NSMCE2: variants seen among roughly 807,000 people sequenced by gnomAD.
NSMCE2 encodes E3 SUMO-protein ligase NSE2.
NSMCE2 carries 24 observed loss-of-function variants against 23.8 expected under a neutral mutation model. The observed-to-expected ratio is 1.01, with a 90% confidence interval of 0.73 to 1.42. NSMCE2 has a LOEUF of 1.42. NSMCE2 is among the 40% of genes most tolerant of loss of function. The pLI is 0.00. For synonymous variants in NSMCE2, 92 were observed against 94.1 expected, an observed-to-expected ratio of 0.98 and a Z score of 0.13; for missense variants, 284 against 296.5, an observed-to-expected ratio of 0.96 and a Z score of 0.31.
intron 5 of NSMCE2, among the ~76,000 whole-genome samples, chr8:125,242,039 C>T (rs1403687005): frequency 6.6e-6 from 1 of 152,064 alleles, no homozygotes; most frequent in South Asian, 2.1e-4. Context: ...TTTGAGATTT[C>T]AAGATGTCCA....
chr8:125,358,503 C>T (rs114359660), intron 7 of NSMCE2, among the ~76,000 whole-genome samples: 2,187 of 150,634 alleles, frequency 0.015, 45 homozygotes, highest in African/African-American at 0.05. Flanking sequence ...ATATAATATA[C>T]ACACACACAC....
At chr8:125,121,743 C>T (rs1819273048) in intron 3 of NSMCE2, among the ~76,000 whole-genome samples, 1 of 152,046 alleles carries the variant, frequency 6.6e-6, no homozygotes. Flanking sequence ...TTATAAATGC[C>T]TTATGTGTAT....
chr8:125,332,914 G>A (rs1829929412), intron 5 of NSMCE2, among the ~76,000 whole-genome samples: 1 of 152,180 alleles, frequency 6.6e-6, no homozygotes, highest in East Asian at 1.9e-4. Flanking sequence ...CAATGTGCTT[G>A]GAAATCATCC....
chr8:125,213,439 A>C (rs2130892068), intron 5 of NSMCE2, among the ~76,000 whole-genome samples: 1 of 151,714 alleles, frequency 6.6e-6, no homozygotes, highest in South Asian at 2.1e-4. Flanking sequence ...GGAGTGATTT[A>C]GCTCAAATTT....
At chr8:125,214,928 C>A in intron 5 of NSMCE2, among the ~76,000 whole-genome samples, 1 of 152,142 alleles carries the variant, frequency 6.6e-6, no homozygotes. Flanking sequence ...TTAGCCACCT[C>A]CAGAACTTTT....
intron 5 of NSMCE2, among the ~76,000 whole-genome samples, chr8:125,281,658 T>TCGAA (rs1827700667): frequency 1.3e-5 from 2 of 152,114 alleles, no homozygotes; most frequent in South Asian, 4.1e-4. Context: ...CAAGCTGGTC[T>TCGAA]CGAACTCCTG....
intron 5 of NSMCE2, among the ~76,000 whole-genome samples, chr8:125,279,581 C>A (rs1268193428): frequency 6.6e-6 from 1 of 152,080 alleles, no homozygotes; most frequent in Non-Finnish European, 1.5e-5. Flanking sequence ...ATTTACTGGT[C>A]CTAAGTGGCA....
intron 3 of NSMCE2, among the ~76,000 whole-genome samples, chr8:125,116,769 G>A (rs1819024311): frequency 6.6e-6 from 1 of 151,996 alleles, no homozygotes; most frequent in Non-Finnish European, 1.5e-5. Flanking sequence ...TCTTCTAAGT[G>A]ATATGTTTGC....
chr8:125,141,857 T>C (rs768750749), intron 3 of NSMCE2, among the ~76,000 whole-genome samples: 1 of 152,200 alleles, frequency 6.6e-6, no homozygotes, highest in Non-Finnish European at 1.5e-5. Context: ...TCTTCTTGCT[T>C]TGAAACATTT....
chr8:125,220,266 A>C (rs760690004), intron 5 of NSMCE2, among the ~76,000 whole-genome samples: 1 of 152,142 alleles, frequency 6.6e-6, no homozygotes, highest in Non-Finnish European at 1.5e-5. Flanking sequence ...TCTTTATTTT[A>C]ACATGTTTTT....
chr8:125,102,842 A>G (rs940048309), intron 3 of NSMCE2, among the ~76,000 whole-genome samples: 1 of 152,222 alleles, frequency 6.6e-6, no homozygotes, highest in African/African-American at 2.4e-5. Context: ...TACTTTGGTC[A>G]TACTTGATTA....
chr8:125,288,518 A>G (rs1026885689), intron 5 of NSMCE2, among the ~76,000 whole-genome samples: 19 of 152,240 alleles, frequency 1.2e-4, no homozygotes, highest in African/African-American at 4.1e-4. Context: ...TTTACCAGGG[A>G]TATTTCTCAA....
chr8:125,335,808 G>T (rs1830049430), intron 5 of NSMCE2, among the ~76,000 whole-genome samples: 1 of 152,170 alleles, frequency 6.6e-6, no homozygotes, highest in Non-Finnish European at 1.5e-5. Flanking sequence ...GATGATTAGG[G>T]TGTTTAAGAA....
At chr8:125,299,564 C>CA (rs1485135281) in intron 5 of NSMCE2, among the ~76,000 whole-genome samples, 2 of 152,118 alleles carry the variant, frequency 1.3e-5, no homozygotes, top group Admixed American at 1.3e-4. Flanking sequence ...AGTTACCTCC[C>CA]ACCAGGTCCC....
intron 1 of NSMCE2, among the ~76,000 whole-genome samples, chr8:125,095,093 C>T (rs890813599): frequency 7.9e-5 from 12 of 152,144 alleles, no homozygotes; most frequent in African/African-American, 2.9e-4. Context: ...TCAAGCCAAC[C>T]TCCCACATTG....
At chr8:125,331,145 C>A (rs1420729310) in intron 5 of NSMCE2, among the ~76,000 whole-genome samples, 3 of 151,942 alleles carry the variant, frequency 2.0e-5, no homozygotes, top group Non-Finnish European at 1.5e-5. Context: ...ACTAAAAATA[C>A]AAAAATTAGC....
chr8:125,278,713 A>G (rs1010710500), intron 5 of NSMCE2, among the ~76,000 whole-genome samples: 20 of 151,282 alleles, frequency 1.3e-4, no homozygotes, highest in Non-Finnish European at 2.7e-4. Flanking sequence ...TGTCTTTTGG[A>G]TATTGTTTTG....
At chr8:125,217,335 TTTTATTTA>T (rs1300941206) in intron 5 of NSMCE2, among the ~76,000 whole-genome samples, 4 of 151,364 alleles carry the variant, frequency 2.6e-5, no homozygotes, top group South Asian at 4.2e-4. Flanking sequence ...TTTTAAAAAA[TTTTATTTA>T]TTTATTTATT....
intron 5 of NSMCE2, among the ~76,000 whole-genome samples, chr8:125,238,144 C>T (rs992694014): frequency 1.3e-5 from 2 of 152,112 alleles, no homozygotes; most frequent in Admixed American, 6.5e-5. Context: ...CCCCTCCTAA[C>T]CCGGGTCTCT....
Sources: allele counts gnomAD v4.1 joint callset (sites outside exome capture counted in the v4.1 genomes callset), GRCh38; gene constraint gnomAD v4.1.1; transcripts MANE v1.5; gene names NCBI Gene and HGNC (gene_info 2026-07-23, HGNC 2026-07-21).